The following IPO11 variants were observed in gnomAD, a reference collection of about 807,000 sequenced individuals.
The protein encoded by IPO11 is importin 11.
A neutral mutation model predicts 143.2 loss-of-function variants in IPO11; 66 were observed. That is an observed-to-expected ratio of 0.46 (90% CI 0.38 to 0.57). IPO11 has a LOEUF of 0.57. Among genes scored for constraint, IPO11 ranks in the 20% least tolerant of loss-of-function variants. IPO11 has a pLI of 0.00. For missense variants in IPO11, 1,026 were observed against 1,141.0 expected, an observed-to-expected ratio of 0.90 and a Z score of 1.45; for synonymous variants, 385 against 377.8, an observed-to-expected ratio of 1.02 and a Z score of -0.22.
intron 6 of IPO11, among the ~76,000 whole-genome samples, chr5:62,468,089 A>G (rs1745631124): frequency 6.6e-6 from 1 of 152,124 alleles, no homozygotes; most frequent in Non-Finnish European, 1.5e-5. Context: ...CTGGGACTAC[A>G]GGCACATGCC....
At chr5:62,598,782 T>TG (rs1203979366) in intron 28 of IPO11, among the ~76,000 whole-genome samples, 3 of 151,810 alleles carry the variant, frequency 2.0e-5, no homozygotes, top group Admixed American at 6.6e-5. Flanking sequence ...TGACCTCAAG[T>TG]GATCTGCTTG....
chr5:62,548,623 T>C (rs1743290552), intron 24 of IPO11, among the ~76,000 whole-genome samples: 1 of 152,148 alleles, frequency 6.6e-6, no homozygotes, highest in African/African-American at 2.4e-5. Context: ...TTAGACAGAC[T>C]TTCAACCAGT....
chr5:62,594,029 A>G (rs1745126123), intron 28 of IPO11, among the ~76,000 whole-genome samples: 1 of 152,210 alleles, frequency 6.6e-6, no homozygotes, highest in Non-Finnish European at 1.5e-5. Flanking sequence ...TTATTTAAAC[A>G]GTTTATTCAA....
At chr5:62,493,822 G>A (rs1027348557) in intron 15 of IPO11, among the ~76,000 whole-genome samples, 176 bp from the exon 16 acceptor site, 1 of 152,068 alleles carries the variant, frequency 6.6e-6, no homozygotes, top group Admixed American at 6.5e-5. Flanking sequence ...GCCCTCCTTG[G>A]CATTCCAAAG....
chr5:62,424,138 CTT>C (rs11428881), intron 1 of IPO11, among the ~76,000 whole-genome samples: 1 of 144,068 alleles, frequency 6.9e-6, no homozygotes, highest in African/African-American at 2.6e-5. Flanking sequence ...CCCACCTCAG[CTT>C]TTTTTTTTTT....
chr5:62,591,728 C>T, intron 28 of IPO11, 56 bp downstream of exon 28: 2 of 1,158,248 alleles, frequency 1.7e-6, no homozygotes, highest in South Asian at 1.4e-5. Context: ...TAAATACATG[C>T]TGCATGATTT....
chr5:62,557,530 C>G (rs1395165583), intron 26 of IPO11, among the ~76,000 whole-genome samples: 1 of 152,192 alleles, frequency 6.6e-6, no homozygotes, highest in Non-Finnish European at 1.5e-5. Context: ...TGGTCTCTCA[C>G]TTCCCATTGA....
intron 29 of IPO11, among the ~76,000 whole-genome samples, chr5:62,619,247 A>G (rs1746258553): frequency 6.6e-6 from 1 of 152,098 alleles, no homozygotes; most frequent in African/African-American, 2.4e-5. Context: ...AAAATTACTA[A>G]TGACATTCTT....
chr5:62,484,550 GTTT>G (rs1297285419), intron 11 of IPO11, among the ~76,000 whole-genome samples: 1 of 133,920 alleles, frequency 7.5e-6, no homozygotes, highest in Admixed American at 7.5e-5. Flanking sequence ...TTGATGAATA[GTTT>G]TTTTTTTTTT....
chr5:62,602,816 C>G (rs1745554968), intron 29 of IPO11, among the ~76,000 whole-genome samples: 1 of 152,194 alleles, frequency 6.6e-6, no homozygotes, highest in Non-Finnish European at 1.5e-5. Flanking sequence ...TCCAAAGATT[C>G]TTAAGACCTG....
At chr5:62,436,040 AAATCAAATCTT>A (rs1352451364) in intron 1 of IPO11, among the ~76,000 whole-genome samples, 34 of 152,290 alleles carry the variant, frequency 2.2e-4, no homozygotes, top group African/African-American at 7.9e-4. Context: ...AATCAAAATC[AAATCAAATCTT>A]AATCCAACTC....
chr5:62,451,749 T>C lies in IPO11; in HGVS notation c.332T>C (p.Val111Ala). 6.2e-7 allele frequency: 1 copy of C among 1,614,138 alleles called. No individual in the cohort carries two copies. Among genetic ancestry groups the C allele is most frequent in the Non-Finnish European group, 8.5e-7 (1 of 1,179,984 alleles). The part of the protein sequence containing the change: ...PINQIATQIA[V>A]LIAKVARLDC... Reference sequence around the variant, plus strand: ...TTTCAGATTGCAACTCAGATTGCAGTGCTCATTGCAAAAGTTGCTAGATTG... The same window carrying C: ...TTTCAGATTGCAACTCAGATTGCAGCGCTCATTGCAAAAGTTGCTAGATTG... The change falls in exon 5 of 30, where the codon GTG (valine) becomes GCG (alanine). Residue 111 changes from valine (V) to alanine (A), a missense_variant. Around this residue, in one of 5 missense-constraint regions of IPO11, gnomAD observed 429 missense variants for 456.3 expected, o/e 0.94. Transcript: ENST00000325324.
At chr5:62,563,343 C>T (rs1236688380) in intron 27 of IPO11, among the ~76,000 whole-genome samples, 1 of 151,902 alleles carries the variant, frequency 6.6e-6, no homozygotes, top group Non-Finnish European at 1.5e-5. Context: ...GAGTTTTCTC[C>T]AAGATAAAGT....
rs575604398 is a variant in IPO11 at position 62,586,186 on chromosome 5, C to T, written c.2583-5391C>T. On this transcript the variant is annotated intron_variant, in intron 27 of 29. Transcript: ENST00000325324. ...ATACATTATTATTAGAAAGCTGTAA[C>T]AAAACAGTAAACGTGTTTATATGAA... 5.3e-5 allele frequency among the ~76,000 whole-genome samples: 8 copies of T among 152,234 alleles called. 1 individual carries two copies. In the South Asian group the frequency reaches 1.7e-3, roughly 32 times the overall value.
intron 5 of IPO11, among the ~76,000 whole-genome samples, chr5:62,453,163 T>A (rs1745004577): frequency 6.6e-6 from 1 of 151,086 alleles, no homozygotes; most frequent in Non-Finnish European, 1.5e-5. Context: ...ATTTTTCTTC[T>A]TTCTTTTTCT....
chr5:62,620,343 C>A (rs1040877732), intron 29 of IPO11, among the ~76,000 whole-genome samples: 2 of 152,036 alleles, frequency 1.3e-5, no homozygotes, highest in Non-Finnish European at 1.5e-5. Flanking sequence ...CACGGTGAAA[C>A]CCCATCTCTC....
intron 27 of IPO11, among the ~76,000 whole-genome samples, chr5:62,584,165 C>T (rs992635703): frequency 1.3e-5 from 2 of 152,056 alleles, no homozygotes; most frequent in African/African-American, 4.8e-5. Flanking sequence ...ATTTTAAAAA[C>T]ATATCTCTTA....
chr5:62,624,322 T>C (rs1333259416), intron 29 of IPO11, among the ~76,000 whole-genome samples: 1 of 152,080 alleles, frequency 6.6e-6, no homozygotes, highest in Non-Finnish European at 1.5e-5. Flanking sequence ...GCATGAGCCA[T>C]GGCATCCAGC....
chr5:62,469,876 G>A (rs998578940), intron 6 of IPO11, among the ~76,000 whole-genome samples: 3 of 152,110 alleles, frequency 2.0e-5, no homozygotes, highest in Admixed American at 6.6e-5. Context: ...TAATATAGCC[G>A]AAAACTGAAT....
Sources: gnomAD v4.1 joint callset for allele counts (sites outside exome capture counted in the v4.1 genomes callset) on GRCh38, gnomAD v4.1.1 for gene constraint, gnomAD v4.1.1 regional missense constraint, MANE v1.5 for transcripts, NCBI Gene and HGNC (gene_info 2026-07-23, HGNC 2026-07-21) for gene names.